Variants in WRN observed in about 807,000 individuals in gnomAD.
The protein encoded by WRN is WRN RecQ like helicase, also known as bifunctional 3'-5' exonuclease/ATP-dependent helicase WRN.
WRN carries 149 observed loss-of-function variants against 180.7 expected under a neutral mutation model. That is an observed-to-expected ratio of 0.82 (90% CI 0.72 to 0.94). The LOEUF (loss-of-function observed/expected upper bound fraction) is 0.94. Ranked by LOEUF, WRN falls within the 40% of genes least tolerant of loss-of-function variation. WRN has a pLI of 0.00. For synonymous variants in WRN, 548 were observed against 568.9 expected, an observed-to-expected ratio of 0.96 and a Z score of 0.52; for missense variants, 1,661 against 1,700.1, an observed-to-expected ratio of 0.98 and a Z score of 0.40.
chr8:31,135,458 A>G (rs558389199), intron 24 of WRN, among the ~76,000 whole-genome samples: 2 of 152,322 alleles, frequency 1.3e-5, no homozygotes, highest in South Asian at 4.1e-4. Flanking sequence ...ATTCAAAGCT[A>G]AATTAGATGA....
chr8:31,116,450 C>A lies in WRN; in HGVS notation c.2370C>A (p.Ser790=), dbSNP rs753030891. 2 of 1,614,000 alleles carry A rather than the reference C, an allele frequency of 1.2e-6. No homozygotes were observed. Among genetic ancestry groups the A allele is most frequent in the Non-Finnish European group, 1.7e-6 (2 of 1,179,952 alleles). ...GTGAACTTAGGAAACTGAATCTATC[C>A]TGTGGAACATACCATGCGGGCATGA... ...VTGELRKLNL[S]CGTYHAGMSF... The change falls in exon 20 of 35, where the codon TCC becomes TCA. Residue 790 remains serine (S), a synonymous_variant. Coordinates refer to ENST00000298139, the MANE Select transcript of WRN (RefSeq NM_000553.6).
chr8:31,149,293 C>A (rs577927084), intron 30 of WRN, among the ~76,000 whole-genome samples: 2 of 151,054 alleles, frequency 1.3e-5, no homozygotes, highest in South Asian at 2.1e-4. Context: ...GTTACTCTGG[C>A]GGCTGAGGCA....
intron 11 of WRN, among the ~76,000 whole-genome samples, chr8:31,085,630 C>T (rs1024874711): frequency 2.6e-5 from 4 of 151,874 alleles, no homozygotes; most frequent in African/African-American, 9.7e-5. Context: ...CCACCATACC[C>T]GGCTTATTTT....
intron 1 of WRN, among the ~76,000 whole-genome samples, chr8:31,037,418 A>C (rs1811491499): frequency 6.6e-6 from 1 of 152,188 alleles, no homozygotes; most frequent in Admixed American, 6.5e-5. Context: ...CTAACAGGCC[A>C]TGGACTGGTA....
At chr8:31,056,485 TG>T (rs1385371074) in intron 1 of WRN, among the ~76,000 whole-genome samples, 3 of 152,216 alleles carry the variant, frequency 2.0e-5, no homozygotes, top group Non-Finnish European at 4.4e-5. Context: ...ATATGACGCA[TG>T]TGGCAACCCC....
At chr8:31,138,347 T>A (rs1156537773) in intron 24 of WRN, among the ~76,000 whole-genome samples, 1 of 152,196 alleles carries the variant, frequency 6.6e-6, no homozygotes, top group Admixed American at 6.5e-5. Context: ...ATTTAAAGTA[T>A]ACAATTTGAT....
In WRN at chr8:31,120,231, A is replaced by AT; in HGVS notation, c.2449-9dup. The AT allele has an allele frequency of 6.2e-7, 1 of 1,612,264 alleles. No individual in the cohort carries two copies. The highest frequency in any genetic ancestry group is 8.5e-7 in the Non-Finnish European group (1 of 1,178,588). ...AATATGTTTGTCAAACTGTGTTGTG[A>AT]TTTGTTCTCAGTGTGTCATAGCTAC... On this transcript the variant is annotated splice_polypyrimidine_tract_variant and intron_variant, in intron 20 of 34. Coordinates refer to ENST00000298139, the MANE Select transcript of WRN (RefSeq NM_000553.6).
At chr8:31,121,645 G>A (rs1255998133) in intron 21 of WRN, among the ~76,000 whole-genome samples, 1 of 151,982 alleles carries the variant, frequency 6.6e-6, no homozygotes, top group Non-Finnish European at 1.5e-5. Flanking sequence ...ATATATAATG[G>A]TGTGTGGTAT....
intron 1 of WRN, among the ~76,000 whole-genome samples, chr8:31,055,298 T>G (rs1812226389): frequency 6.6e-6 from 1 of 152,212 alleles, no homozygotes; most frequent in South Asian, 2.1e-4. Context: ...TATTTCTGGT[T>G]CTAGGTCTTT....
intron 17 of WRN, among the ~76,000 whole-genome samples, chr8:31,099,089 AAG>A (rs1028064884): frequency 6.0e-5 from 9 of 150,878 alleles, no homozygotes; most frequent in Non-Finnish European, 8.9e-5. Flanking sequence ...AGAGAGAGAG[AAG>A]GAAGGAAGGG....
chr8:31,056,068 T>C (rs776519679), intron 1 of WRN, among the ~76,000 whole-genome samples: 9 of 152,210 alleles, frequency 5.9e-5, no homozygotes, highest in Non-Finnish European at 1.3e-4. Flanking sequence ...AGTATTTACA[T>C]CTAAAAAATT....
intron 33 of WRN, among the ~76,000 whole-genome samples, chr8:31,158,821 C>A (rs539375595): frequency 1.1e-4 from 17 of 151,978 alleles, no homozygotes; most frequent in Non-Finnish European, 1.9e-4. Context: ...AGGACAGACA[C>A]GGAGGCAAGT....
intron 34 of WRN, among the ~76,000 whole-genome samples, chr8:31,170,430 T>C (rs575424739): frequency 9.5e-4 from 145 of 152,304 alleles, no homozygotes; most frequent in Non-Finnish European, 1.6e-3. Context: ...TTGTAGAAGA[T>C]TTATTTACAG....
chr8:31,061,069 C>T (rs1040393178), intron 3 of WRN, among the ~76,000 whole-genome samples: 1 of 152,172 alleles, frequency 6.6e-6, no homozygotes, highest in Non-Finnish European at 1.5e-5. Context: ...ATTCTTTTCT[C>T]TTTCTGGGAC....
chr8:31,063,765 C>G (rs899809258), intron 3 of WRN, among the ~76,000 whole-genome samples: 1 of 151,764 alleles, frequency 6.6e-6, no homozygotes, highest in Non-Finnish European at 1.5e-5. Flanking sequence ...GAACTTTTAC[C>G]CAGGCTGAAG....
chr8:31,070,845 G>C (rs1284398715), intron 7 of WRN, among the ~76,000 whole-genome samples: 3 of 152,132 alleles, frequency 2.0e-5, no homozygotes, highest in Admixed American at 6.5e-5. Flanking sequence ...AGGAGTTTGA[G>C]ACCAGCCTGG....
chr8:31,048,018 T>C (rs1811934141), intron 1 of WRN, among the ~76,000 whole-genome samples: 1 of 152,220 alleles, frequency 6.6e-6, no homozygotes, highest in Non-Finnish European at 1.5e-5. Flanking sequence ...TGGCATTTTA[T>C]TGTGTTTATT....
intron 1 of WRN, among the ~76,000 whole-genome samples, chr8:31,050,755 C>T (rs1210511216): frequency 2.0e-5 from 3 of 152,080 alleles, no homozygotes; most frequent in Non-Finnish European, 4.4e-5. Flanking sequence ...GTAAAATTTG[C>T]ATACGTGCCC....
At chr8:31,104,338 A>G (rs1801005136) in intron 18 of WRN, among the ~76,000 whole-genome samples, 1 of 152,106 alleles carries the variant, frequency 6.6e-6, no homozygotes, top group Admixed American at 6.5e-5. Context: ...TTCATATACT[A>G]ATTTGCCTCT....
Sources: gnomAD v4.1 joint callset for allele counts (sites outside exome capture counted in the v4.1 genomes callset) on GRCh38, gnomAD v4.1.1 for gene constraint, MANE v1.5 for transcripts, NCBI Gene and HGNC (gene_info 2026-07-23, HGNC 2026-07-21) for gene names.